The following KCND2 variants were observed in gnomAD, a reference collection of about 807,000 sequenced individuals.
The protein encoded by KCND2 is potassium voltage-gated channel subfamily D member 2.
A neutral mutation model predicts 54.4 loss-of-function variants in KCND2; 16 were observed. The observed-to-expected ratio is 0.29, with a 90% CI of 0.20 to 0.45. The LOEUF is 0.45. Ranked by LOEUF, KCND2 falls within the 20% of genes least tolerant of loss-of-function variation. The probability of loss-of-function intolerance (pLI) is 1.00; values close to 1 mark genes in which losing one functional copy is unlikely to be tolerated. For synonymous variants in KCND2, 317 were observed against 310.7 expected (o/e 1.02, Z -0.21); for missense variants, 486 against 824.2 (o/e 0.59, Z 5.02).
intron 1 of KCND2, among the ~76,000 whole-genome samples, chr7:120,288,885 T>A (rs954959165): frequency 6.6e-6 from 1 of 152,088 alleles, no homozygotes; most frequent in South Asian, 2.1e-4. Context: ...TTTTGAAATC[T>A]TGGTTTGAAA....
chr7:120,294,175 A>AT (rs1307547484), intron 1 of KCND2, among the ~76,000 whole-genome samples: 1 of 151,994 alleles, frequency 6.6e-6, no homozygotes, highest in East Asian at 1.9e-4. Context: ...GAAGGAAATA[A>AT]TCCTCTAAGA....
At chr7:120,279,393 G>A (rs117059566) in intron 1 of KCND2, among the ~76,000 whole-genome samples, 1,549 of 151,950 alleles carry the variant, frequency 0.01, 18 homozygotes, top group Non-Finnish European at 0.017. Context: ...AGAATTTCAG[G>A]AGTGTTATTT....
rs66518858 is a variant in KCND2, at chr7:120,437,204, C to CTTTT, written c.1115+161470_1115+161473dup. On this transcript the variant is annotated intron_variant, in intron 1 of 5. Coordinates refer to ENST00000331113, the MANE Select transcript of KCND2 (RefSeq NM_012281.3). ...ACTACTGGAGACAATCAATATACAA[C>CTTTT]TTTTTTTTTTTTTTTTCAGTCAGAA... is the stretch of plus-strand genomic sequence containing the variant. Among the ~76,000 whole-genome samples the CTTTT allele has an allele frequency of 1.5e-5, 2 of 130,400 alleles. 1 individual carries two copies. Among genetic ancestry groups the CTTTT allele is most frequent in the African/African-American group, 6.0e-5 (2 of 33,058 alleles). The allele number at this position is 130,400 out of a possible 152,430, so 85.5% of individuals were successfully genotyped here.
intron 1 of KCND2, among the ~76,000 whole-genome samples, chr7:120,415,175 C>G (rs1218836278): frequency 6.6e-6 from 1 of 152,142 alleles, no homozygotes; most frequent in Non-Finnish European, 1.5e-5. Flanking sequence ...TGTTTTGTCT[C>G]TCCTACCCTC....
chr7:120,311,310 A>T (rs1309194982), intron 1 of KCND2, among the ~76,000 whole-genome samples: 1 of 152,224 alleles, frequency 6.6e-6, no homozygotes, highest in Non-Finnish European at 1.5e-5. Context: ...GTAAATAATT[A>T]TCCAAATTGC....
intron 1 of KCND2, among the ~76,000 whole-genome samples, chr7:120,404,882 G>A (rs1801328133): frequency 6.6e-6 from 1 of 152,014 alleles, no homozygotes. Context: ...AATGGGCATT[G>A]CAGATAAAAT....
intron 1 of KCND2, among the ~76,000 whole-genome samples, chr7:120,277,770 A>G (rs1799200188): frequency 6.6e-6 from 1 of 152,044 alleles, no homozygotes; most frequent in Non-Finnish European, 1.5e-5. Context: ...ATTAAACATT[A>G]GTGACAATTT....
chr7:120,646,605 G>A (rs931315605), intron 1 of KCND2, among the ~76,000 whole-genome samples: 13 of 152,288 alleles, frequency 8.5e-5, no homozygotes, highest in Admixed American at 7.9e-4. Context: ...AAGGTTAGAT[G>A]AATGGACAAA....
chr7:120,391,662 G>A (rs1801079509), intron 1 of KCND2, among the ~76,000 whole-genome samples: 1 of 151,334 alleles, frequency 6.6e-6, no homozygotes, highest in Admixed American at 6.6e-5. Flanking sequence ...TTTCTCTAAT[G>A]ACCAGTGATG....
intron 1 of KCND2, among the ~76,000 whole-genome samples, chr7:120,653,962 A>T (rs1020247554): frequency 1.3e-5 from 2 of 152,230 alleles, no homozygotes. Flanking sequence ...AGTTGAAGGC[A>T]TGTTTTTGAG....
At chr7:120,639,503 G>A (rs1229510211) in intron 1 of KCND2, among the ~76,000 whole-genome samples, 1 of 152,018 alleles carries the variant, frequency 6.6e-6, no homozygotes. Flanking sequence ...TCCACCCCCT[G>A]GGAAAAAAGC....
At chr7:120,289,027 CAG>C (rs1799390644) in intron 1 of KCND2, among the ~76,000 whole-genome samples, 1 of 147,360 alleles carries the variant, frequency 6.8e-6, no homozygotes, top group African/African-American at 2.6e-5. Context: ...GGTGGGAGGG[CAG>C]AGACACAAAC....
At chr7:120,730,253 C>T (rs548796178) in intron 1 of KCND2, among the ~76,000 whole-genome samples, 14 of 152,046 alleles carry the variant, frequency 9.2e-5, no homozygotes, top group African/African-American at 3.1e-4. Flanking sequence ...GTGTGTGTGT[C>T]TGTGTATGTA....
At chr7:120,454,849 A>G (rs1802170831) in intron 1 of KCND2, among the ~76,000 whole-genome samples, 1 of 152,212 alleles carries the variant, frequency 6.6e-6, no homozygotes, top group Non-Finnish European at 1.5e-5. Flanking sequence ...AGGATACAAA[A>G]TTAGTGTACA....
intron 1 of KCND2, among the ~76,000 whole-genome samples, chr7:120,674,418 A>C (rs1792032228): frequency 6.6e-6 from 1 of 152,144 alleles, no homozygotes; most frequent in African/African-American, 2.4e-5. Flanking sequence ...TCTTTGAAAA[A>C]CCGTGTCTTT....
At chr7:120,536,854 T>G (rs977314574) in intron 1 of KCND2, among the ~76,000 whole-genome samples, 3 of 152,220 alleles carry the variant, frequency 2.0e-5, no homozygotes, top group Non-Finnish European at 4.4e-5. Flanking sequence ...TTCTTTCTTT[T>G]TAATTATTTT....
intron 4 of KCND2, 44 bp downstream of exon 4, chr7:120,742,646 A>G: frequency 1.4e-6 from 2 of 1,449,996 alleles, no homozygotes; most frequent in Non-Finnish European, 1.9e-6. Flanking sequence ...TCTGACAGTA[A>G]TTCCATTTGC....
intron 1 of KCND2, among the ~76,000 whole-genome samples, chr7:120,374,791 G>A (rs768144152): frequency 4.6e-5 from 7 of 151,854 alleles, no homozygotes; most frequent in East Asian, 1.9e-4. Context: ...GGATCATTGC[G>A]TTTCTTCTGC....
At chr7:120,384,546 C>T (rs973257111) in intron 1 of KCND2, among the ~76,000 whole-genome samples, 1 of 152,084 alleles carries the variant, frequency 6.6e-6, no homozygotes, top group African/African-American at 2.4e-5. Context: ...CACTATAATA[C>T]AGCACATTGC....
Sources: allele counts gnomAD v4.1 joint callset (sites outside exome capture counted in the v4.1 genomes callset), GRCh38; gene constraint gnomAD v4.1.1; transcripts MANE v1.5; gene names NCBI Gene and HGNC (gene_info 2026-07-23, HGNC 2026-07-21).